Variants in AKAP6 observed in about 807,000 individuals in gnomAD.
AKAP6 encodes A-kinase anchoring protein 6.
Under a neutral mutation model 188.5 loss-of-function variants are expected in AKAP6, and 58 were observed. The observed-to-expected ratio is 0.31, with a 90% CI of 0.25 to 0.38. The LOEUF is 0.38. AKAP6 is among the 10% of genes least tolerant of loss of function. The probability of loss-of-function intolerance (pLI) is 1.00; values close to 1 mark genes in which losing one functional copy is unlikely to be tolerated. For missense variants in AKAP6, 2,710 were observed against 2,740.0 expected (o/e 0.99, Z 0.24); for synonymous variants, 989 against 998.6 (o/e 0.99, Z 0.18).
At chr14:32,464,690 C>G (rs61982962) in intron 2 of AKAP6, among the ~76,000 whole-genome samples, 15,226 of 152,240 alleles carry the variant, frequency 0.1, 871 homozygotes, top group South Asian at 0.21. Context: ...CGGCACAAGA[C>G]AAGGATGCCC....
At chr14:32,702,668 A>C (rs1217360685) in intron 9 of AKAP6, among the ~76,000 whole-genome samples, 1 of 152,132 alleles carries the variant, frequency 6.6e-6, no homozygotes, top group Non-Finnish European at 1.5e-5. Flanking sequence ...CGGGTGAGCT[A>C]CTGTCCGGAA....
chr14:32,428,212 G>A (rs868230879), intron 1 of AKAP6, among the ~76,000 whole-genome samples: 17 of 152,160 alleles, frequency 1.1e-4, no homozygotes, highest in South Asian at 2.1e-4. Flanking sequence ...GACTGGAAGC[G>A]CTCTGTCCAC....
intron 2 of AKAP6, among the ~76,000 whole-genome samples, chr14:32,459,105 C>T (rs1891239488): frequency 6.6e-6 from 1 of 152,128 alleles, no homozygotes; most frequent in South Asian, 2.1e-4. Flanking sequence ...CATTATGCTA[C>T]ATGAAATAAG....
chr14:32,507,692 G>A (rs187957105), intron 2 of AKAP6, among the ~76,000 whole-genome samples: 15 of 152,240 alleles, frequency 9.9e-5, no homozygotes, highest in Admixed American at 7.8e-4. Flanking sequence ...GGAGATCAGC[G>A]GACAAAGAAT....
At chr14:32,600,565 TA>T in intron 6 of AKAP6, 63 bp from the exon 7 acceptor site, 1 of 1,466,668 alleles carries the variant, frequency 6.8e-7, no homozygotes, top group Non-Finnish European at 9.1e-7. Flanking sequence ...ATTTACTAAA[TA>T]AAAATAATGA....
chr14:32,720,524 T>C (rs1268810992), intron 9 of AKAP6, among the ~76,000 whole-genome samples: 1 of 152,244 alleles, frequency 6.6e-6, no homozygotes, highest in African/African-American at 2.4e-5. Flanking sequence ...TGCATAATGG[T>C]AATTCTTCAG....
At chr14:32,575,750 T>C (rs11626569) in intron 4 of AKAP6, among the ~76,000 whole-genome samples, 3,543 of 152,164 alleles carry the variant, frequency 0.023, 63 homozygotes, top group Middle Eastern at 0.041. Context: ...AGGAAAAGCT[T>C]TTGGAAACAT....
chr14:32,504,009 A>G (rs2138993490), intron 2 of AKAP6, among the ~76,000 whole-genome samples: 1 of 151,988 alleles, frequency 6.6e-6, no homozygotes, highest in Non-Finnish European at 1.5e-5. Flanking sequence ...ATACATTGAT[A>G]AAATAGCTTA....
chr14:32,535,639 C>T lies in AKAP6; in HGVS notation c.410C>T (p.Ser137Phe), dbSNP rs750386862. 3 of 1,614,128 alleles carry T rather than the reference C, an allele frequency of 1.9e-6. No individual in the cohort carries two copies. Among genetic ancestry groups the T allele is most frequent in the Non-Finnish European group, 2.5e-6 (3 of 1,180,036 alleles). The change falls in exon 3 of 14, where the codon TCT becomes TTT. Residue 137 changes from serine (S) to phenylalanine (F), a missense_variant. Physicochemically the swap from Ser to Phe is radical, Grantham distance 155. Around this residue, in one of 2 missense-constraint regions of AKAP6, gnomAD observed 237 missense variants for 313.9 expected, o/e 0.76. Transcript: ENST00000280979. ...TTCTCCCTAAAGCTGCTGTCTTACT[C>T]TGTCAACGTGATAGTGGACATCCAC... ...TEFSLKLLSYSVNVIVDIHAV... is the reference protein window; with the variant it reads ...TEFSLKLLSYFVNVIVDIHAV...
At position 32,822,165 on chromosome 14, in the gene AKAP6, C is replaced by A. The variant is rs866235828; in HGVS notation, c.4352C>A (p.Pro1451His). ...GDLNSITKHT[P>H]DCLGEELQGK... ...TTAAACAGTATTACCAAACATACCC[C>A]TGACTGTTTGGGAGAAGAATTACAA... is the stretch of plus-strand genomic sequence containing the variant. The change falls in exon 13 of 14, where the codon CCT becomes CAT. Residue 1451 changes from proline (P) to histidine (H), a missense_variant. Physicochemically the swap from Pro to His is moderately conservative, Grantham distance 77. Around this residue, in one of 2 missense-constraint regions of AKAP6, gnomAD observed 2,473 missense variants for 2,426.1 expected, o/e 1.02. Coordinates refer to ENST00000280979, the MANE Select transcript of AKAP6 (RefSeq NM_004274.5). The A allele has an allele frequency of 1.2e-6, 2 of 1,613,806 alleles. No homozygotes were observed. The highest frequency in any genetic ancestry group is 1.3e-5 in the African/African-American group (1 of 75,000).
intron 7 of AKAP6, among the ~76,000 whole-genome samples, chr14:32,647,394 A>G (rs1237076316): frequency 1.3e-5 from 2 of 152,108 alleles, no homozygotes; most frequent in Non-Finnish European, 2.9e-5. Context: ...ACTGAGGTAC[A>G]TGACCATTTC....
chr14:32,780,161 T>G (rs2033200572), intron 12 of AKAP6, among the ~76,000 whole-genome samples: 1 of 146,236 alleles, frequency 6.8e-6, no homozygotes, highest in Non-Finnish European at 1.5e-5. Context: ...AAAAAACATA[T>G]ATATATATAT....
intron 1 of AKAP6, among the ~76,000 whole-genome samples, chr14:32,385,352 A>G (rs1257985433): frequency 6.6e-6 from 1 of 151,240 alleles, no homozygotes; most frequent in Non-Finnish European, 1.5e-5. Context: ...TGTTTTTACT[A>G]AGATTGTTAT....
chr14:32,784,702 A>C (rs373145178), intron 12 of AKAP6, among the ~76,000 whole-genome samples: 187 of 152,314 alleles, frequency 1.2e-3, no homozygotes, highest in African/African-American at 4.4e-3. Context: ...TCTTCATAAC[A>C]ACCAAAGATG....
intron 2 of AKAP6, among the ~76,000 whole-genome samples, chr14:32,498,757 A>G (rs1175679345): frequency 6.6e-6 from 1 of 152,042 alleles, no homozygotes; most frequent in African/African-American, 2.4e-5. Context: ...GCAGAGGGGT[A>G]AGTGGGCGGG....
chr14:32,485,998 G>T (rs967496011), intron 2 of AKAP6, among the ~76,000 whole-genome samples: 1 of 152,160 alleles, frequency 6.6e-6, no homozygotes, highest in African/African-American at 2.4e-5. Flanking sequence ...TTTTGTATAA[G>T]GTGTAAGGAA....
At chr14:32,517,380 C>T (rs771924119) in intron 2 of AKAP6, among the ~76,000 whole-genome samples, 30 of 152,260 alleles carry the variant, frequency 2.0e-4, no homozygotes, top group Admixed American at 1.4e-3. Flanking sequence ...ACGCAGAAGA[C>T]GGGTGATTTC....
intron 13 of AKAP6, among the ~76,000 whole-genome samples, chr14:32,826,641 G>A (rs1479518278): frequency 2.6e-5 from 4 of 152,152 alleles, no homozygotes; most frequent in African/African-American, 4.8e-5. Context: ...AAGCCTTTGC[G>A]AAGCACTCTC....
chr14:32,625,843 A>G (rs927062), intron 7 of AKAP6, among the ~76,000 whole-genome samples: 33,497 of 151,944 alleles, frequency 0.22, 3,948 homozygotes, highest in Admixed American at 0.28. Flanking sequence ...AACCAAAGGG[A>G]CAATATTTCA....
Sources: allele counts gnomAD v4.1 joint callset (sites outside exome capture counted in the v4.1 genomes callset), GRCh38; gene constraint gnomAD v4.1.1; regional missense constraint gnomAD v4.1.1; transcripts MANE v1.5; gene names NCBI Gene and HGNC (gene_info 2026-07-23, HGNC 2026-07-21).